SLC30A4: variants seen among roughly 807,000 people sequenced by gnomAD.
The protein encoded by SLC30A4 is solute carrier family 30 member 4.
In SLC30A4, 20 loss-of-function variants were observed where a neutral mutation model predicts 41.7. The ratio of observed to expected loss-of-function variants is 0.48; its 90% confidence interval spans 0.34 to 0.70. The LOEUF (loss-of-function observed/expected upper bound fraction) is 0.70, where lower values mean the gene tolerates loss of function less well. SLC30A4 is among the 30% of genes least tolerant of loss of function. SLC30A4 has a pLI of 0.01. For synonymous variants in SLC30A4, 181 were observed against 195.9 expected (o/e 0.92, Z 0.64); for missense variants, 441 against 529.3 (o/e 0.83, Z 1.64).
intron 3 of SLC30A4, among the ~76,000 whole-genome samples, chr15:45,504,398 A>C (rs1892106482): frequency 6.6e-6 from 1 of 152,246 alleles, no homozygotes; most frequent in South Asian, 2.1e-4. Flanking sequence ...GTATAAGTAG[A>C]GACGGACAAG....
chr15:45,503,875 G>A (rs1271940129), intron 3 of SLC30A4, among the ~76,000 whole-genome samples: 1 of 152,144 alleles, frequency 6.6e-6, no homozygotes, highest in Non-Finnish European at 1.5e-5. Context: ...GAACCCAGGA[G>A]GCAGAGGTTG....
intron 3 of SLC30A4, among the ~76,000 whole-genome samples, chr15:45,496,123 ACTAT>A (rs1462349652): frequency 5.3e-5 from 8 of 152,246 alleles, no homozygotes; most frequent in African/African-American, 1.4e-4. Flanking sequence ...CAAAGACAAT[ACTAT>A]CTAACTAAAA....
At chr15:45,516,543 T>C (rs964029666) in intron 2 of SLC30A4, among the ~76,000 whole-genome samples, 1 of 150,278 alleles carries the variant, frequency 6.7e-6, no homozygotes, top group South Asian at 2.1e-4. Context: ...CTCATATGTG[T>C]GAATTTATAT....
intron 3 of SLC30A4, among the ~76,000 whole-genome samples, chr15:45,496,836 TATAAATAA>T (rs77966458): frequency 0.069 from 9,448 of 137,040 alleles, 1,050 homozygotes; most frequent in African/African-American, 0.23. Flanking sequence ...TCTCTGAAAA[TATAAATAA>T]ATAAATAAAT....
In SLC30A4 at chr15:45,522,725, G is replaced by T; in HGVS notation, c.-233C>A. ...GTGGGGTCGTGCTCGCGCCCGCCGCGCCCGCTGCTGGAGGCCGGCTCCCCA... is the reference window on the plus strand; with the variant it reads ...GTGGGGTCGTGCTCGCGCCCGCCGCTCCCGCTGCTGGAGGCCGGCTCCCCA... On this transcript the variant is annotated 5_prime_UTR_variant, in exon 1 of 8. Coordinates refer to ENST00000261867, the MANE Select transcript of SLC30A4 (RefSeq NM_013309.6). 1 of 164,332 alleles carries T rather than the reference G, an allele frequency of 6.1e-6. No individual in the cohort carries two copies. Among genetic ancestry groups the T allele is most frequent in the Non-Finnish European group, 1.3e-5 (1 of 76,854 alleles). 10.2% of individuals were successfully genotyped at this position (164,332 alleles called of 1,614,324 possible). A position where few individuals can be genotyped will look rare whatever the true frequency, so the allele number is the denominator to read the frequency against.
At chr15:45,520,303 C>T (rs1892625699) in intron 2 of SLC30A4, among the ~76,000 whole-genome samples, 1 of 151,060 alleles carries the variant, frequency 6.6e-6, no homozygotes, top group Non-Finnish European at 1.5e-5. Flanking sequence ...GGATTCTCAC[C>T]CTGTTGCCCA....
chr15:45,516,978 C>T (rs1892498289), intron 2 of SLC30A4, among the ~76,000 whole-genome samples: 1 of 152,076 alleles, frequency 6.6e-6, no homozygotes, highest in African/African-American at 2.4e-5. Context: ...TGCATGAGTT[C>T]AATTTGCCAT....
At chr15:45,502,949 G>A (rs557784785) in intron 3 of SLC30A4, 5 of 151,392 alleles carry the variant, frequency 3.3e-5, no homozygotes, top group Admixed American at 6.6e-5. Context: ...AGCTATGATG[G>A]TGTCATTGTA....
In SLC30A4 at chr15:45,521,026, G is replaced by A. The variant is rs144640285; in HGVS notation, c.391+938C>T. 3.6e-4 allele frequency: 169 copies of A among 466,326 alleles called. 2 individuals carry two copies. The East Asian group carries it at 0.012, about 32-fold the overall frequency. 28.9% of individuals were successfully genotyped at this position (466,326 alleles called of 1,614,324 possible). A position where few individuals can be genotyped will look rare whatever the true frequency, so the allele number is the denominator to read the frequency against. On this transcript the variant is annotated intron_variant, in intron 2 of 7. Transcript: ENST00000261867. Reference sequence around the variant, plus strand: ...CTGGGGAGGAGTGTTATGAAAGAAGGTAGGAAATGTATATAATTTTTCCCA... The same window carrying A: ...CTGGGGAGGAGTGTTATGAAAGAAGATAGGAAATGTATATAATTTTTCCCA...
intron 2 of SLC30A4, among the ~76,000 whole-genome samples, chr15:45,518,800 A>G (rs1245674538): frequency 2.6e-5 from 4 of 152,094 alleles, no homozygotes; most frequent in Non-Finnish European, 5.9e-5. Flanking sequence ...CCTGAGCTCA[A>G]GCGATCCTCA....
chr15:45,512,910 TTGAGTG>T (rs1892342142), intron 2 of SLC30A4, among the ~76,000 whole-genome samples: 1 of 152,008 alleles, frequency 6.6e-6, no homozygotes, highest in South Asian at 2.1e-4. Flanking sequence ...GGAGAACTGC[TTGAGTG>T]TAAGAGTCTG....
intron 3 of SLC30A4, among the ~76,000 whole-genome samples, chr15:45,501,829 G>A (rs1427828698): frequency 1.3e-5 from 2 of 152,078 alleles, no homozygotes; most frequent in Non-Finnish European, 2.9e-5. Flanking sequence ...GACACAGAGA[G>A]TTTAATATTA....
At chr15:45,503,437 T>G (rs950358001) in intron 3 of SLC30A4, among the ~76,000 whole-genome samples, 1 of 151,244 alleles carries the variant, frequency 6.6e-6, no homozygotes, top group South Asian at 2.1e-4. Flanking sequence ...GCCAATATGG[T>G]GAAACCCCGT....
intron 3 of SLC30A4, among the ~76,000 whole-genome samples, chr15:45,506,548 T>C (rs1892159665): frequency 6.6e-6 from 1 of 152,234 alleles, no homozygotes; most frequent in African/African-American, 2.4e-5. Context: ...CCAACTGCTT[T>C]GGTTTACAGC....
At position 45,490,756 on chromosome 15, in the gene SLC30A4, C is replaced by T. The variant is rs781121606; in HGVS notation, c.664G>A (p.Ala222Thr). ...EINGDIMLIT[A>T]AVGVAVNVIM... Reference sequence around the variant, plus strand: ...ACATTAACTGCAACTCCAACAGCTGCGGTGATGAGCATTATATCTCCATTT... The same window carrying T: ...ACATTAACTGCAACTCCAACAGCTGTGGTGATGAGCATTATATCTCCATTT... Residue 222 changes from alanine to threonine, a missense_variant, in exon 4 of 8, where the codon GCA (alanine) becomes ACA (threonine). Physicochemically the swap from Ala to Thr is moderately conservative, Grantham distance 58 (BLOSUM62 0). Around this residue, in one of 3 missense-constraint regions of SLC30A4, gnomAD observed 312 missense variants for 341.9 expected, o/e 0.91. Coordinates refer to ENST00000261867, the MANE Select transcript of SLC30A4 (RefSeq NM_013309.6). 1.4e-5 allele frequency: 23 copies of T among 1,605,580 alleles called. No individual in the cohort carries two copies. The highest frequency in any genetic ancestry group is 3.4e-5 in the Admixed American group (2 of 58,396).
chr15:45,495,315 G>A (rs1198038442), intron 3 of SLC30A4, among the ~76,000 whole-genome samples: 1 of 152,092 alleles, frequency 6.6e-6, no homozygotes, highest in East Asian at 1.9e-4. Context: ...CAATTTTTCT[G>A]GGATAGTCCT....
At chr15:45,500,620 CT>C (rs1566878199) in intron 3 of SLC30A4, among the ~76,000 whole-genome samples, 10 of 84,058 alleles carry the variant, frequency 1.2e-4, no homozygotes, top group African/African-American at 8.4e-4. Flanking sequence ...GTCTGTCTAT[CT>C]ATCTATCTAT....
intron 2 of SLC30A4, among the ~76,000 whole-genome samples, chr15:45,515,114 T>G (rs1039280183): frequency 6.6e-6 from 1 of 152,034 alleles, no homozygotes; most frequent in Non-Finnish European, 1.5e-5. Context: ...CTTGAATTCT[T>G]GGACTCAGGC....
intron 3 of SLC30A4, among the ~76,000 whole-genome samples, chr15:45,509,248 CTTTT>C (rs879266404): frequency 7.5e-6 from 1 of 133,298 alleles, no homozygotes; most frequent in African/African-American, 2.7e-5. Flanking sequence ...GGAACACATT[CTTTT>C]TTTTTTTTTT....
Sources: allele counts gnomAD v4.1 joint callset (sites outside exome capture counted in the v4.1 genomes callset), GRCh38; gene constraint gnomAD v4.1.1; regional missense constraint gnomAD v4.1.1; transcripts MANE v1.5; gene names NCBI Gene and HGNC (gene_info 2026-07-23, HGNC 2026-07-21).